SH3BGRL2: variants seen among roughly 807,000 people sequenced by gnomAD.
The protein encoded by SH3BGRL2 is SH3 domain-binding glutamic acid-rich-like protein 2.
Under a neutral mutation model 14.8 loss-of-function variants are expected in SH3BGRL2, and 21 were observed. That is an observed-to-expected ratio of 1.42 (90% CI 1.01 to 2.05). The LOEUF is 2.05. Among genes scored for constraint, SH3BGRL2 ranks in the 30% most tolerant of loss-of-function variants. The probability of loss-of-function intolerance (pLI) is 0.00; values close to 1 mark genes in which losing one functional copy is unlikely to be tolerated. For synonymous variants in SH3BGRL2, 50 were observed against 47.8 expected (o/e 1.05, Z -0.19); for missense variants, 147 against 130.8 (o/e 1.12, Z -0.61).
At chr6:79,562,626 C>G in the SH3BGRL2 span, among the ~76,000 whole-genome samples, 4 of 152,136 alleles carry the variant, frequency 2.6e-5, no homozygotes, top group Non-Finnish European at 2.9e-5. Context: ...CATACCTACT[C>G]ATTCACTTAT....
At chr6:79,543,818 TAA>T in the SH3BGRL2 span, among the ~76,000 whole-genome samples, 1 of 152,224 alleles carries the variant, frequency 6.6e-6, no homozygotes, top group African/African-American at 2.4e-5. Context: ...TTTATAAATA[TAA>T]GAGGGCCTTT....
chr6:79,556,164 G>A, the SH3BGRL2 span, among the ~76,000 whole-genome samples: 1 of 152,070 alleles, frequency 6.6e-6, no homozygotes, highest in Admixed American at 6.6e-5. Context: ...TTAAAGTAGT[G>A]AAAGATGTTA....
the SH3BGRL2 span, among the ~76,000 whole-genome samples, chr6:79,612,835 C>T: frequency 2.6e-5 from 4 of 152,192 alleles, no homozygotes. Flanking sequence ...CCACAAAATG[C>T]ACAGAACCAG....
upstream of SH3BGRL2, among the ~76,000 whole-genome samples, chr6:79,628,176 A>C (rs1768764806): frequency 1.3e-5 from 2 of 152,176 alleles, no homozygotes; most frequent in South Asian, 4.1e-4. Context: ...TTAATAAAGA[A>C]TCATACATAT....
chr6:79,696,734 A>C (rs1280087905), intron 3 of SH3BGRL2, among the ~76,000 whole-genome samples, 169 bp downstream of exon 3: 1 of 152,122 alleles, frequency 6.6e-6, no homozygotes, highest in Non-Finnish European at 1.5e-5. Context: ...CATACAACAG[A>C]GGCTAGTTTT....
chr6:79,659,877 A>G (rs1465301190), intron 1 of SH3BGRL2, among the ~76,000 whole-genome samples: 1 of 151,580 alleles, frequency 6.6e-6, no homozygotes, highest in East Asian at 1.9e-4. Context: ...TTGGATTCCT[A>G]GGTATTTTAT....
chr6:79,585,993 C>T, the SH3BGRL2 span, among the ~76,000 whole-genome samples: 3 of 151,792 alleles, frequency 2.0e-5, no homozygotes, highest in Non-Finnish European at 2.9e-5. Context: ...CTCAGGAGTT[C>T]GAGGCCAGCC....
the SH3BGRL2 span, among the ~76,000 whole-genome samples, chr6:79,538,559 T>C: frequency 6.6e-6 from 1 of 152,222 alleles, no homozygotes; most frequent in African/African-American, 2.4e-5. Flanking sequence ...GGAATTACTT[T>C]TCATCAATTC....
At chr6:79,624,359 G>T in the SH3BGRL2 span, among the ~76,000 whole-genome samples, 1 of 150,186 alleles carries the variant, frequency 6.7e-6, no homozygotes, top group South Asian at 2.1e-4. Context: ...TAATATTTTT[G>T]ATTAATATAT....
At chr6:79,579,717 G>A in the SH3BGRL2 span, among the ~76,000 whole-genome samples, 2 of 152,152 alleles carry the variant, frequency 1.3e-5, no homozygotes, top group African/African-American at 2.4e-5. Flanking sequence ...AAAGACCATC[G>A]ATGCTATGAA....
intron 1 of SH3BGRL2, among the ~76,000 whole-genome samples, chr6:79,665,839 T>G (rs1225861285): frequency 2.0e-5 from 3 of 152,222 alleles, no homozygotes; most frequent in African/African-American, 7.2e-5. Context: ...AGGGATTCTG[T>G]AAAACTCAAG....
At chr6:79,594,524 G>A in the SH3BGRL2 span, among the ~76,000 whole-genome samples, 6 of 152,226 alleles carry the variant, frequency 3.9e-5, no homozygotes, top group South Asian at 2.1e-4. Context: ...GAGACACTAT[G>A]TGTTCCTTCT....
chr6:79,560,124 T>G, the SH3BGRL2 span, among the ~76,000 whole-genome samples: 1 of 152,118 alleles, frequency 6.6e-6, no homozygotes, highest in South Asian at 2.1e-4. Context: ...CATACACCAT[T>G]CTGGGAAACT....
intron 2 of SH3BGRL2, among the ~76,000 whole-genome samples, chr6:79,675,753 A>G (rs1303463375): frequency 1.3e-5 from 2 of 151,676 alleles, no homozygotes; most frequent in Non-Finnish European, 2.9e-5. Context: ...ATAATGTTGT[A>G]TTTCTACTAA....
chr6:79,603,131 A>G, the SH3BGRL2 span, among the ~76,000 whole-genome samples: 2 of 152,206 alleles, frequency 1.3e-5, no homozygotes, highest in African/African-American at 2.4e-5. Context: ...GGGTTATATA[A>G]CCTAGTAACC....
At chr6:79,629,501 T>C (rs770015865), upstream of SH3BGRL2, among the ~76,000 whole-genome samples, 1 of 152,110 alleles carries the variant, frequency 6.6e-6, no homozygotes, top group Non-Finnish European at 1.5e-5. Context: ...GCTGAGCAGA[T>C]AACCCAGTGA....
chr6:79,672,481 A>G (rs1247964791), intron 1 of SH3BGRL2, among the ~76,000 whole-genome samples: 5 of 152,060 alleles, frequency 3.3e-5, no homozygotes, highest in Non-Finnish European at 5.9e-5. Context: ...TAACCTACTA[A>G]TATGTCTTGG....
At chr6:79,609,711 A>G in the SH3BGRL2 span, among the ~76,000 whole-genome samples, 13 of 152,340 alleles carry the variant, frequency 8.5e-5, no homozygotes, top group Admixed American at 7.8e-4. Context: ...ATACATAGCT[A>G]TATTCCCATT....
In SH3BGRL2 at chr6:79,688,852, A is replaced by G. The variant is rs572522926; in HGVS notation, c.232-7633A>G. 2.6e-5 allele frequency among the ~76,000 whole-genome samples: 4 copies of G among 152,214 alleles called. No homozygotes were observed. The East Asian group carries it at 7.7e-4, about 29-fold the overall frequency. ...CATTTAACTTATCTCTATCATATCTACTTTTTGCTTAAACATGACAAAGAA... is the reference window on the plus strand; with the variant it reads ...CATTTAACTTATCTCTATCATATCTGCTTTTTGCTTAAACATGACAAAGAA... On this transcript the variant is annotated intron_variant, in intron 2 of 3. Transcript: ENST00000369838.
Sources: allele counts gnomAD v4.1 joint callset (sites outside exome capture counted in the v4.1 genomes callset), GRCh38; gene constraint gnomAD v4.1.1; transcripts MANE v1.5; gene names NCBI Gene and HGNC (gene_info 2026-07-23, HGNC 2026-07-21).